WRAP53: variants seen among roughly 807,000 people sequenced by gnomAD.
The protein encoded by WRAP53 is WD repeat containing antisense to TP53.
WRAP53 carries 28 observed loss-of-function variants against 56.6 expected under a neutral mutation model. The observed-to-expected ratio is 0.50, with a 90% confidence interval of 0.37 to 0.68. The LOEUF is 0.68. WRAP53 is among the 30% of genes least tolerant of loss of function. The pLI, the probability that WRAP53 is intolerant of heterozygous loss-of-function variation, is 0.00. For synonymous variants in WRAP53, 283 were observed against 283.4 expected (o/e 1.00, Z 0.01); for missense variants, 671 against 715.5 (o/e 0.94, Z 0.71).
At position 7,703,032 on chromosome 17, in the gene WRAP53, T is replaced by C. The variant is rs34016213; in HGVS notation, c.1308T>C (p.Ala436=). Residue 436 remains alanine, a synonymous_variant, in exon 10 of 11, where the codon GCT becomes GCC. Coordinates refer to ENST00000396463, the MANE Select transcript of WRAP53 (RefSeq NM_001143992.2). ...TAGTGAGTGGCAGCACGAGCGGGGC[T>C]GTCTCTGTGTGGGACACGGACGGGC... ...QFLVSGSTSG[A]VSVWDTDGPG... is the part of the protein sequence containing the mutation. 19,767 of 1,614,004 alleles carry C rather than the reference T, an allele frequency of 0.012. 834 individuals are homozygous for C. In the African/African-American group the frequency reaches 0.14, roughly 12 times the overall value.
At chr17:7,694,572 G>A (rs1343458615) in intron 4 of WRAP53, among the ~76,000 whole-genome samples, 1 of 151,962 alleles carries the variant, frequency 6.6e-6, no homozygotes, top group Non-Finnish European at 1.5e-5. Flanking sequence ...GATTTTTGTG[G>A]CTGGTGTGGT....
intron 4 of WRAP53, among the ~76,000 whole-genome samples, chr17:7,692,011 G>A (rs142567272): frequency 0.08 from 12,113 of 151,034 alleles, 1,465 homozygotes; most frequent in African/African-American, 0.27. Flanking sequence ...TAATTTTTTT[G>A]TATTTTTTTA....
intron 4 of WRAP53, among the ~76,000 whole-genome samples, chr17:7,692,606 G>C (rs1378728023): frequency 8.5e-6 from 1 of 118,188 alleles, no homozygotes; most frequent in Non-Finnish European, 1.7e-5. Context: ...AGGCAACAGT[G>C]TAAGACTCCG....
intron 4 of WRAP53, among the ~76,000 whole-genome samples, chr17:7,699,109 G>GT (rs141851814): frequency 0.077 from 11,641 of 150,390 alleles, 997 homozygotes; most frequent in African/African-American, 0.22. Flanking sequence ...GTTAGATACT[G>GT]TTTTTTTTCC....
intron 4 of WRAP53, among the ~76,000 whole-genome samples, chr17:7,697,111 A>G (rs549077320): frequency 3.3e-5 from 5 of 152,138 alleles, no homozygotes; most frequent in Non-Finnish European, 7.3e-5. Context: ...ACCCGAGGTC[A>G]GGAGTTCAAG....
chr17:7,688,404 G>A, upstream of WRAP53: 1 of 558,204 alleles, frequency 1.8e-6, no homozygotes, highest in Non-Finnish European at 3.2e-6. Flanking sequence ...GGGATGCGGC[G>A]GCCCAATCGG....
rs991744493 is a variant in WRAP53, at chr17:7,692,830, C to T, written c.642+3129C>T. On this transcript the variant is annotated intron_variant, in intron 4 of 10. Coordinates refer to ENST00000396463, the MANE Select transcript of WRAP53 (RefSeq NM_001143992.2). ...GCAGTGGCGCCATCTCAGCTCACTG[C>T]AAGCTCTGCCTCCCGGGATCACGCC... Among the ~76,000 whole-genome samples, 82 of 144,726 alleles carry T rather than the reference C, an allele frequency of 5.7e-4. 2 individuals carry two copies. Among genetic ancestry groups the T allele is most frequent in the Admixed American group, 1.6e-3 (22 of 14,068 alleles). The allele number at this position is 144,726 out of a possible 152,430, so 94.9% of individuals were successfully genotyped here. A position where few individuals can be genotyped will look rare whatever the true frequency, so the allele number is the denominator to read the frequency against.
intron 4 of WRAP53, among the ~76,000 whole-genome samples, chr17:7,699,098 C>T (rs879098147): frequency 4.0e-5 from 6 of 149,418 alleles, no homozygotes; most frequent in Admixed American, 1.3e-4. Flanking sequence ...TGCAAGACAA[C>T]GTTAGATACT....
chr17:7,699,508 A>T lies in WRAP53; in HGVS notation c.643-1233A>T, dbSNP rs867420284. Among the ~76,000 whole-genome samples, 39 of 25,696 alleles carry T rather than the reference A, an allele frequency of 1.5e-3. 2 individuals carry two copies. The highest frequency in any genetic ancestry group is 2.0e-3 in the Non-Finnish European group (32 of 16,034). 16.9% of individuals were successfully genotyped at this position (25,696 alleles called of 152,430 possible). On this transcript the variant is annotated intron_variant, in intron 4 of 10. Coordinates refer to ENST00000396463, the MANE Select transcript of WRAP53 (RefSeq NM_001143992.2). ...TATATATATATATATATATTTATATATATATATATATATTTATATATATAT... is the reference window on the plus strand; with the variant it reads ...TATATATATATATATATATTTATATTTATATATATATATTTATATATATAT...
chr17:7,691,962 G>A (rs569611756), intron 4 of WRAP53, among the ~76,000 whole-genome samples: 135 of 151,946 alleles, frequency 8.9e-4, no homozygotes, highest in Non-Finnish European at 1.7e-3. Flanking sequence ...TCAACCTTCC[G>A]AGTAGCTGGG....
chr17:7,687,194 G>C (rs55680224), upstream of WRAP53: 21 of 397,554 alleles, frequency 5.3e-5, no homozygotes, highest in East Asian at 7.5e-4. Flanking sequence ...TCTACACCCA[G>C]GTCTCCCAAC....
chr17:7,699,437 A>AATTTATATATATATATAT (rs1375259036), intron 4 of WRAP53, among the ~76,000 whole-genome samples: 8 of 91,168 alleles, frequency 8.8e-5, no homozygotes, highest in Non-Finnish European at 1.2e-4. Context: ...AAAAAAAAAA[A>AATTTATATATATATATAT]ATTTATATAT....
chr17:7,690,709 C>G (rs1345141067), intron 4 of WRAP53, among the ~76,000 whole-genome samples: 1 of 151,798 alleles, frequency 6.6e-6, no homozygotes, highest in African/African-American at 2.4e-5. Context: ...GCCAGGAGTT[C>G]GAGACCAGCC....
Position 7,701,877 on chromosome 17 carries a change from G to T in WRAP53, c.955+88G>T, listed in dbSNP as rs2151096595. Reference sequence around the variant, plus strand: ...TTTTGTGAGCCGGGGGCCACCTGTGGGGGTTCACGCCGTCCTCTGTACGGC... The same window carrying T: ...TTTTGTGAGCCGGGGGCCACCTGTGTGGGTTCACGCCGTCCTCTGTACGGC... On this transcript the variant is annotated intron_variant, in intron 7 of 10. Coordinates refer to ENST00000396463, the MANE Select transcript of WRAP53 (RefSeq NM_001143992.2). This position sits in a 1 kb window ranked among gnomAD's most constrained non-coding sequence, Gnocchi z 4.2. The T allele has an allele frequency of 6.5e-7, 1 of 1,548,762 alleles. No individual in the cohort carries two copies. The highest frequency in any genetic ancestry group is 2.4e-5 in the East Asian group (1 of 41,466).
At chr17:7,700,933 T>G in intron 5 of WRAP53, 104 bp downstream of exon 5, 1 of 855,664 alleles carries the variant, frequency 1.2e-6, no homozygotes, top group Non-Finnish European at 2.0e-6. Flanking sequence ...GAGGAAGGCT[T>G]GGCATGCTTA....
intron 4 of WRAP53, among the ~76,000 whole-genome samples, chr17:7,699,500 A>ATATATATATATT (rs1359392928): frequency 3.4e-5 from 1 of 29,532 alleles, no homozygotes; most frequent in Non-Finnish European, 5.4e-5. Context: ...ATATATATAT[A>ATATATATATATT]TTTATATATA....
At position 7,701,778 on chromosome 17, in the gene WRAP53, G is replaced by A. The variant is rs751343013; in HGVS notation, c.944G>A (p.Arg315Gln). The stretch of plus-strand genomic sequence containing the variant: ...CGGCCTGGCCGAGACTGCGAGGTCC[G>A]AGCCACATTTGGTAAGCATCTGTGC... ...TARPGRDCEV[R>Q]ATFAKKQGQS... Residue 315 changes from arginine (R) to glutamine (Q), a missense_variant, in exon 7 of 11, where the codon CGA (arginine) becomes CAA (glutamine). Physicochemically the swap from Arg to Gln is conservative, Grantham distance 43. Around this residue, in one of 3 missense-constraint regions of WRAP53, gnomAD observed 406 missense variants for 418.5 expected, o/e 0.97. Transcript: ENST00000396463. The surrounding 1 kb of genome is among the most constrained non-coding windows in gnomAD (Gnocchi z 4.2). 3.1e-6 allele frequency: 5 copies of A among 1,613,914 alleles called. No homozygotes were observed. The highest frequency in any genetic ancestry group is 2.2e-5 in the South Asian group (2 of 91,004).
chr17:7,694,441 C>T (rs1042140541), intron 4 of WRAP53, among the ~76,000 whole-genome samples: 1 of 151,922 alleles, frequency 6.6e-6, no homozygotes, highest in Non-Finnish European at 1.5e-5. Flanking sequence ...TGGGGTTTCG[C>T]CAAGTTGGCC....
chr17:7,698,654 A>G (rs2074217507), intron 4 of WRAP53, among the ~76,000 whole-genome samples: 1 of 152,032 alleles, frequency 6.6e-6, no homozygotes, highest in Admixed American at 6.6e-5. Context: ...AGGTGGGTGG[A>G]TCACGAGGTC....
Sources: gnomAD v4.1 joint callset for allele counts (sites outside exome capture counted in the v4.1 genomes callset) on GRCh38, gnomAD v4.1.1 for gene constraint, gnomAD v4.1.1 regional missense constraint, Gnocchi (gnomAD v3.1) non-coding constraint, MANE v1.5 for transcripts, NCBI Gene and HGNC (gene_info 2026-07-23, HGNC 2026-07-21) for gene names.